The following WIZ variants were observed in gnomAD, a reference collection of about 807,000 sequenced individuals.
The protein encoded by WIZ is protein Wiz.
In WIZ, 25 loss-of-function variants were observed where a neutral mutation model predicts 140.2. That is an observed-to-expected ratio of 0.18 (90% CI 0.13 to 0.25). The LOEUF is 0.25. WIZ is among the 10% of genes least tolerant of loss of function. The probability of loss-of-function intolerance (pLI) is 1.00; values close to 1 mark genes in which losing one functional copy is unlikely to be tolerated. For missense variants in WIZ, 2,231 were observed against 2,632.6 expected (o/e 0.85, Z 3.34); for synonymous variants, 1,125 against 1,154.3 (o/e 0.97, Z 0.51).
At chr19:15,448,034 C>T (rs1969978287) in intron 2 of WIZ, 69 bp downstream of exon 2, 1 of 1,575,000 alleles carries the variant, frequency 6.3e-7, no homozygotes, top group Non-Finnish European at 8.6e-7. Flanking sequence ...CGCTGGGTGA[C>T]TTGACTCTCT....
Position 15,427,979 on chromosome 19 carries a change from T to A in WIZ, c.3814+131A>T. 1 of 1,323,992 alleles carries A rather than the reference T, an allele frequency of 7.6e-7. No homozygotes were observed. Among genetic ancestry groups the A allele is most frequent in the Non-Finnish European group, 1.0e-6 (1 of 996,930 alleles). 82.0% of individuals were successfully genotyped at this position (1,323,992 alleles called of 1,614,324 possible). ...AGCAGCCCACTGCCAACAAGATCTCTGGGCAGAACCGGCCCACTGCCAAGG... is the reference window on the plus strand; with the variant it reads ...AGCAGCCCACTGCCAACAAGATCTCAGGGCAGAACCGGCCCACTGCCAAGG... On this transcript the variant is annotated intron_variant, in intron 8 of 12. Transcript: ENST00000673675. This position sits in a 1 kb window ranked among gnomAD's most constrained non-coding sequence, Gnocchi z 6.4.
intron 5 of WIZ, among the ~76,000 whole-genome samples, chr19:15,431,523 G>C (rs528931963): frequency 6.6e-6 from 1 of 152,330 alleles, no homozygotes; most frequent in East Asian, 1.9e-4. Context: ...CCTGTCTCGA[G>C]GGTGAGGGTG....
chr19:15,430,175 C>T, intron 6 of WIZ, 86 bp from the exon 7 acceptor site: 2 of 1,430,214 alleles, frequency 1.4e-6, no homozygotes, highest in Non-Finnish European at 9.1e-7. Flanking sequence ...GAGTCCCACT[C>T]ACCCAGGCTC....
At chr19:15,437,657 T>G (rs977656134) in intron 4 of WIZ, among the ~76,000 whole-genome samples, 3 of 152,164 alleles carry the variant, frequency 2.0e-5, no homozygotes, top group Non-Finnish European at 4.4e-5. Flanking sequence ...CCCTGTCTCT[T>G]AAAAAGAGAA....
In WIZ at chr19:15,428,176, G is replaced by A; in HGVS notation, c.3748C>T (p.Leu1250Phe). 1 of 1,534,508 alleles carries A rather than the reference G, an allele frequency of 6.5e-7. No individual in the cohort carries two copies. Among genetic ancestry groups the A allele is most frequent in the Non-Finnish European group, 8.7e-7 (1 of 1,146,738 alleles). The change falls in exon 8 of 13, where the codon CTC becomes TTC. Residue 1250 changes from leucine (L) to phenylalanine (F), a missense_variant. Around this residue, in one of 15 missense-constraint regions of WIZ, gnomAD observed 141 missense variants for 161.2 expected, o/e 0.87. Transcript: ENST00000673675. This position sits in a 1 kb window ranked among gnomAD's most constrained non-coding sequence, Gnocchi z 6.4. ...ATGCCGGCGGCTGCGGCGGCCGAGA[G>A]GTCCTGCTTCCCCCAGGGGCTGGCC... is the stretch of plus-strand genomic sequence containing the variant. The part of the protein sequence containing the change: ...GMASPWGKQD[L>F]SAAAAAGIFW...
intron 3 of WIZ, among the ~76,000 whole-genome samples, chr19:15,441,173 G>A (rs979568856): frequency 3.3e-5 from 5 of 152,148 alleles, no homozygotes; most frequent in Admixed American, 6.5e-5. Context: ...TTAACTTTGT[G>A]GCAGAACAGT....
At position 15,439,042 on chromosome 19, in the gene WIZ, G is replaced by A; in HGVS notation, c.1952C>T (p.Pro651Leu). The A allele has an allele frequency of 3.3e-6, 5 of 1,497,978 alleles. No individual in the cohort carries two copies. Among genetic ancestry groups the A allele is most frequent in the Non-Finnish European group, 4.4e-6 (5 of 1,127,640 alleles). The allele number at this position is 1,497,978 out of a possible 1,614,324, so 92.8% of individuals were successfully genotyped here. Residue 651 changes from proline (P) to leucine (L), a missense_variant, in exon 4 of 13, where the codon CCG (proline) becomes CTG (leucine). By Grantham distance (98) the Pro-to-Leu change is moderately conservative. This residue lies in a region of WIZ where 475 missense variants were observed against 520.2 expected (regional missense o/e 0.91). Transcript: ENST00000673675. The surrounding 1 kb of genome is among the most constrained non-coding windows in gnomAD (Gnocchi z 7.0). ...CTGCTTCAGCTCCAGGGCCGCCTGC[G>A]GGATGAGGCTGGGGGTGGCTAGGGG... ...FSPLATPSLI[P>L]QAALELKQAF...
intron 2 of WIZ, among the ~76,000 whole-genome samples, chr19:15,445,340 T>C (rs1969881115): frequency 3.9e-5 from 6 of 152,194 alleles, no homozygotes; most frequent in Admixed American, 3.3e-4. Context: ...CCTCTCCCAC[T>C]CCGAGCCTTG....
At position 15,438,882 on chromosome 19, in the gene WIZ, C is replaced by A. The variant is rs1969615635; in HGVS notation, c.2112G>T (p.Leu704Phe). The A allele has an allele frequency of 1.4e-6, 2 of 1,459,124 alleles. No homozygotes were observed. Among genetic ancestry groups the A allele is most frequent in the Non-Finnish European group, 1.8e-6 (2 of 1,105,872 alleles). 90.4% of individuals were successfully genotyped at this position (1,459,124 alleles called of 1,614,324 possible). Residue 704 changes from leucine to phenylalanine, a missense_variant, in exon 4 of 13, where the codon TTG (leucine) becomes TTT (phenylalanine). By Grantham distance (22) the Leu-to-Phe change is conservative (BLOSUM62 0). This residue lies in a region of WIZ where 475 missense variants were observed against 520.2 expected (regional missense o/e 0.91). Coordinates refer to ENST00000673675, the MANE Select transcript of WIZ (RefSeq NM_001371589.1). The stretch of plus-strand genomic sequence containing the variant: ...CTGCCAGCCCCAGCTCCTCGGGCTG[C>A]AACCTTGGGGGCACCCTGGCTGCCG... ...VMAAARVPPR[L>F]QPEELGLAGA...
chr19:15,436,847 G>A lies in WIZ; in HGVS notation c.2699C>T (p.Pro900Leu), dbSNP rs762153667. 6.2e-7 allele frequency: 1 copy of A among 1,611,246 alleles called. No homozygotes were observed. The highest frequency in any genetic ancestry group is 8.5e-7 in the Non-Finnish European group (1 of 1,179,044). The change falls in exon 5 of 13, where the codon CCA (proline) becomes CTA (leucine). Residue 900 changes from proline to leucine, a missense_variant. Transcript: ENST00000673675. ...RPRLPLTVPFPPTWAEDPGPA... is the reference protein window; with the variant it reads ...RPRLPLTVPFLPTWAEDPGPA... ...CCCAGGGTCCTCAGCCCAGGTGGGT[G>A]GAAAGGGCACCGTGAGAGGTAAGCG...
At chr19:15,423,878 T>A (rs537540606) in intron 12 of WIZ, among the ~76,000 whole-genome samples, 1 of 152,242 alleles carries the variant, frequency 6.6e-6, no homozygotes, top group Non-Finnish European at 1.5e-5. Context: ...CACTTACTCC[T>A]CGTAACAAAT....
chr19:15,431,037 G>A lies in WIZ; in HGVS notation c.2886C>T (p.Ser962=). Residue 962 remains serine (S), a synonymous_variant, in exon 6 of 13, where the codon AGC becomes AGT. Coordinates refer to ENST00000673675, the MANE Select transcript of WIZ (RefSeq NM_001371589.1). ...CCTTGAGGTCCTGCAGCTCCTGTTT[G>A]CTGCCATGAGGAACCTCTGCAGCCA... is the stretch of plus-strand genomic sequence containing the variant. ...SKVAAEVPHG[S]KQELQDLKAQ... The A allele has an allele frequency of 6.5e-7, 1 of 1,535,382 alleles. No individual in the cohort carries two copies. Among genetic ancestry groups the A allele is most frequent in the South Asian group, 1.2e-5 (1 of 83,902 alleles).
chr19:15,440,790 T>C lies in WIZ; in HGVS notation c.279-75A>G. The C allele has an allele frequency of 7.5e-7, 1 of 1,330,942 alleles. No homozygotes were observed. The highest frequency in any genetic ancestry group is 9.7e-7 in the Non-Finnish European group (1 of 1,027,620). The allele number at this position is 1,330,942 out of a possible 1,614,324, so 82.4% of individuals were successfully genotyped here. ...CTTCCTAGGGTGGTGATGGGGGTCC[T>C]CCCAGGCCGTTTGAAGCAGGCCCCG... On this transcript the variant is annotated intron_variant, in intron 3 of 12. Transcript: ENST00000673675. The surrounding 1 kb of genome is among the most constrained non-coding windows in gnomAD (Gnocchi z 6.2).
At chr19:15,430,964 G>A (rs929062607) in intron 6 of WIZ, 48 bp downstream of exon 6, 20 of 1,481,134 alleles carry the variant, frequency 1.4e-5, no homozygotes, top group East Asian at 1.0e-4. Flanking sequence ...TCCTGTGAGT[G>A]TAACCAGCCT....
rs772307485 is a variant in WIZ, at chr19:15,426,962, T to C, written c.4366+20A>G. The C allele has an allele frequency of 1.6e-5, 25 of 1,589,730 alleles. No individual in the cohort carries two copies. In the South Asian group the frequency reaches 2.8e-4, roughly 18 times the overall value. Reference sequence around the variant, plus strand: ...ACCCCTCCAACTGTTCTCCCTGCCCTACTGCAGGGTCACACTTACACAGGT... The same window carrying C: ...ACCCCTCCAACTGTTCTCCCTGCCCCACTGCAGGGTCACACTTACACAGGT... On this transcript the variant is annotated intron_variant, in intron 9 of 12. Transcript: ENST00000673675.
chr19:15,422,456 C>T lies in WIZ; in HGVS notation c.*620G>A, dbSNP rs1439108587. Reference sequence around the variant, plus strand: ...CTGAGCTCTTCCCAGCTGGGAAGGCCCCTCTCGGGGGCAGCCAACAAGGAT... The same window carrying T: ...CTGAGCTCTTCCCAGCTGGGAAGGCTCCTCTCGGGGGCAGCCAACAAGGAT... On this transcript the variant is annotated 3_prime_UTR_variant, in exon 13 of 13. Transcript: ENST00000673675. 1 of 152,030 alleles carries T rather than the reference C, an allele frequency of 6.6e-6. No homozygotes were observed. Among genetic ancestry groups the T allele is most frequent in the Non-Finnish European group, 1.5e-5 (1 of 68,028 alleles). 9.4% of individuals were successfully genotyped at this position (152,030 alleles called of 1,614,324 possible).
Position 15,438,948 on chromosome 19 carries a change from T to G in WIZ, c.2046A>C (p.Val682=). ...QGQQQQLRGM[V]PIVLVAKLGP... ...CCAGCTTCGCCACGAGCACAATGGG[T>G]ACCATCCCTCGGAGCTGCTGCTGCT... Residue 682 remains valine (V), a synonymous_variant, in exon 4 of 13, where the codon GTA becomes GTC. Transcript: ENST00000673675. 6.9e-7 allele frequency: 1 copy of G among 1,451,440 alleles called. No homozygotes were observed. The highest frequency in any genetic ancestry group is 2.5e-5 in the East Asian group (1 of 40,108). 89.9% of individuals were successfully genotyped at this position (1,451,440 alleles called of 1,614,324 possible).
rs1969722937 is a variant in WIZ at position 15,440,959 on chromosome 19, T to C, written c.279-244A>G. Among the ~76,000 whole-genome samples, 1 of 151,964 alleles carries C rather than the reference T, an allele frequency of 6.6e-6. No individual in the cohort carries two copies. The highest frequency in any genetic ancestry group is 2.4e-5 in the African/African-American group (1 of 41,360). On this transcript the variant is annotated intron_variant, in intron 3 of 12. Coordinates refer to ENST00000673675, the MANE Select transcript of WIZ (RefSeq NM_001371589.1). This position sits in a 1 kb window ranked among gnomAD's most constrained non-coding sequence, Gnocchi z 6.2. ...GTCCACAAAGCCTAGCCCCGCTGCA[T>C]TGTGGGGGAATGTACGGAGACCACC...
chr19:15,424,553 G>A lies in WIZ; in HGVS notation c.5314+60C>T. 2 of 1,535,806 alleles carry A rather than the reference G, an allele frequency of 1.3e-6. No homozygotes were observed. Among genetic ancestry groups the A allele is most frequent in the East Asian group, 4.7e-5 (2 of 42,878 alleles). The stretch of plus-strand genomic sequence containing the variant: ...GGCCACAGCAGAGCGCCTGGGGAGT[G>A]GCTGGGTGGGCCTGACAGGTGCCCG... On this transcript the variant is annotated intron_variant, in intron 11 of 12. Coordinates refer to ENST00000673675, the MANE Select transcript of WIZ (RefSeq NM_001371589.1). The surrounding 1 kb of genome is among the most constrained non-coding windows in gnomAD (Gnocchi z 9.7).
Sources: allele counts gnomAD v4.1 joint callset (sites outside exome capture counted in the v4.1 genomes callset), GRCh38; gene constraint gnomAD v4.1.1; regional missense constraint gnomAD v4.1.1; non-coding constraint Gnocchi (gnomAD v3.1); transcripts MANE v1.5; gene names NCBI Gene and HGNC (gene_info 2026-07-23, HGNC 2026-07-21).